The following SHISA6 variants were observed in gnomAD, a reference collection of about 807,000 sequenced individuals.
SHISA6 encodes protein shisa-6.
Under a neutral mutation model 47.9 loss-of-function variants are expected in SHISA6, and 22 were observed. The observed-to-expected ratio is 0.46, with a 90% confidence interval of 0.33 to 0.66. The LOEUF is 0.66. Among genes scored for constraint, SHISA6 ranks in the 30% least tolerant of loss-of-function variants. The pLI, the probability that SHISA6 is intolerant of heterozygous loss-of-function variation, is 0.02. For synonymous variants in SHISA6, 388 were observed against 337.8 expected (o/e 1.15, Z -1.63); for missense variants, 680 against 764.6 (o/e 0.89, Z 1.30).
At chr17:11,273,857 G>A (rs893032963) in intron 2 of SHISA6, among the ~76,000 whole-genome samples, 2 of 152,166 alleles carry the variant, frequency 1.3e-5, no homozygotes, top group African/African-American at 4.8e-5. Flanking sequence ...GAGCCCAGGC[G>A]AAACTTATGG....
intron 2 of SHISA6, among the ~76,000 whole-genome samples, chr17:11,362,843 T>C (rs1406798882): frequency 1.3e-5 from 2 of 152,180 alleles, no homozygotes; most frequent in African/African-American, 4.8e-5. Flanking sequence ...TTATCACACG[T>C]CTTCTGGTTT....
intron 3 of SHISA6, among the ~76,000 whole-genome samples, chr17:11,428,427 G>A (rs956465175): frequency 6.6e-6 from 1 of 152,230 alleles, no homozygotes; most frequent in Non-Finnish European, 1.5e-5. Context: ...CAGATTTAAT[G>A]CAAGGTCTGT....
At chr17:11,512,923 T>C (rs1454569170) in intron 3 of SHISA6, among the ~76,000 whole-genome samples, 1 of 152,076 alleles carries the variant, frequency 6.6e-6, no homozygotes, top group Non-Finnish European at 1.5e-5. Flanking sequence ...TTTTCAATTT[T>C]TTGGTATTAT....
At chr17:11,405,393 T>A (rs1022156346) in intron 3 of SHISA6, among the ~76,000 whole-genome samples, 3 of 127,342 alleles carry the variant, frequency 2.4e-5, no homozygotes, top group African/African-American at 1.0e-4. Context: ...CATGTTAGAA[T>A]CACCTGGGGA....
intron 2 of SHISA6, among the ~76,000 whole-genome samples, chr17:11,342,553 G>A (rs535468844): frequency 2.2e-4 from 34 of 152,338 alleles, no homozygotes; most frequent in South Asian, 1.0e-3. Context: ...GGATAAAGAT[G>A]TTCCCAAATG....
intron 2 of SHISA6, among the ~76,000 whole-genome samples, chr17:11,304,830 G>A (rs76120987): frequency 0.01 from 1,537 of 152,258 alleles, 26 homozygotes; most frequent in African/African-American, 0.034. Context: ...CTCGGTGCCA[G>A]GCAGGTCTCA....
chr17:11,379,626 T>C, intron 3 of SHISA6, 117 bp downstream of exon 3: 1 of 665,468 alleles, frequency 1.5e-6, no homozygotes, highest in Non-Finnish European at 2.5e-6. Flanking sequence ...GTGGGGTGGT[T>C]CCATGGCAGC....
At chr17:11,437,912 A>AAT (rs780329935) in intron 3 of SHISA6, among the ~76,000 whole-genome samples, 1 of 152,142 alleles carries the variant, frequency 6.6e-6, no homozygotes, top group Non-Finnish European at 1.5e-5. Context: ...CTGCTGATGA[A>AAT]GGTGGGGCTG....
chr17:11,306,642 A>G (rs1317061679), intron 2 of SHISA6, among the ~76,000 whole-genome samples: 1 of 152,166 alleles, frequency 6.6e-6, no homozygotes, highest in African/African-American at 2.4e-5. Context: ...TGGATGTGAT[A>G]AGGGCTGTGG....
At chr17:11,272,372 G>A (rs952637867) in intron 2 of SHISA6, among the ~76,000 whole-genome samples, 2 of 152,066 alleles carry the variant, frequency 1.3e-5, no homozygotes, top group African/African-American at 2.4e-5. Flanking sequence ...CTGGCTCCCT[G>A]CCCGGGGGCC....
chr17:11,520,326 C>T (rs552832380), intron 3 of SHISA6, among the ~76,000 whole-genome samples: 1 of 152,148 alleles, frequency 6.6e-6, no homozygotes, highest in Non-Finnish European at 1.5e-5. Context: ...CAGTAGCATC[C>T]CTAATTTCCT....
intron 2 of SHISA6, among the ~76,000 whole-genome samples, chr17:11,326,083 A>C (rs1910877874): frequency 6.6e-6 from 1 of 152,162 alleles, no homozygotes; most frequent in African/African-American, 2.4e-5. Flanking sequence ...CATCCTGGCT[A>C]ACATGGTGAA....
At chr17:11,450,409 C>G (rs544511500) in intron 3 of SHISA6, among the ~76,000 whole-genome samples, 1 of 152,146 alleles carries the variant, frequency 6.6e-6, no homozygotes, top group Admixed American at 6.5e-5. Context: ...GTAATCCGGG[C>G]ACTTTGGGAG....
At chr17:11,551,709 C>T (rs75877814) in intron 3 of SHISA6, among the ~76,000 whole-genome samples, 187 bp from the exon 4 acceptor site, 9,269 of 152,186 alleles carry the variant, frequency 0.061, 367 homozygotes, top group Middle Eastern at 0.092. Flanking sequence ...AACCCTGTTG[C>T]AGAAGGAGAG....
chr17:11,489,574 G>C (rs1210613068), intron 3 of SHISA6, among the ~76,000 whole-genome samples: 1 of 152,142 alleles, frequency 6.6e-6, no homozygotes, highest in Non-Finnish European at 1.5e-5. Flanking sequence ...CCAACTCAGA[G>C]AACATAAGGG....
chr17:11,475,457 A>G (rs1392418531), intron 3 of SHISA6, among the ~76,000 whole-genome samples: 1 of 152,168 alleles, frequency 6.6e-6, no homozygotes. Context: ...GTTCCCTTCT[A>G]TTCCTAGTTT....
At chr17:11,393,880 T>G (rs1913475720) in intron 3 of SHISA6, among the ~76,000 whole-genome samples, 1 of 152,226 alleles carries the variant, frequency 6.6e-6, no homozygotes. Flanking sequence ...TTTTAGGGCC[T>G]TTGCACAGGC....
intron 3 of SHISA6, among the ~76,000 whole-genome samples, chr17:11,445,726 A>G (rs1915209632): frequency 6.6e-6 from 1 of 152,216 alleles, no homozygotes; most frequent in African/African-American, 2.4e-5. Context: ...ATAACTACAA[A>G]CAAACAAGGA....
At chr17:11,394,344 A>T (rs1285932538) in intron 3 of SHISA6, among the ~76,000 whole-genome samples, 2 of 152,144 alleles carry the variant, frequency 1.3e-5, no homozygotes, top group African/African-American at 4.8e-5. Flanking sequence ...TTTTGAGAAG[A>T]TATTTTTCAT....
Sources: gnomAD v4.1 joint callset for allele counts (sites outside exome capture counted in the v4.1 genomes callset) on GRCh38, gnomAD v4.1.1 for gene constraint, MANE v1.5 for transcripts, NCBI Gene and HGNC (gene_info 2026-07-23, HGNC 2026-07-21) for gene names.